The following CAMTA1 variants were observed in gnomAD, a reference collection of about 807,000 sequenced individuals.
CAMTA1 encodes calmodulin-binding transcription activator 1.
CAMTA1 carries 27 observed loss-of-function variants against 170.9 expected under a neutral mutation model. That is an observed-to-expected ratio of 0.16 (90% CI 0.12 to 0.22). CAMTA1 has a LOEUF of 0.22. Ranked by LOEUF, CAMTA1 falls within the 10% of genes least tolerant of loss-of-function variation. The pLI is 1.00. For synonymous variants in CAMTA1, 833 were observed against 891.5 expected, an observed-to-expected ratio of 0.93 and a Z score of 1.17; for missense variants, 1,619 against 2,217.2, an observed-to-expected ratio of 0.73 and a Z score of 5.42.
chr1:7,290,111 G>A (rs1261899981), intron 5 of CAMTA1, among the ~76,000 whole-genome samples: 1 of 152,216 alleles, frequency 6.6e-6, no homozygotes, highest in Admixed American at 6.5e-5. Flanking sequence ...GAACATGTGA[G>A]GTGCATTGGA....
chr1:6,978,679 A>T (rs1317068821), intron 3 of CAMTA1, among the ~76,000 whole-genome samples: 1 of 149,466 alleles, frequency 6.7e-6, no homozygotes, highest in East Asian at 1.9e-4. Flanking sequence ...TATATTTTAT[A>T]TATTATAGAT....
chr1:7,241,326 T>C (rs1664820323), intron 4 of CAMTA1, among the ~76,000 whole-genome samples: 1 of 152,240 alleles, frequency 6.6e-6, no homozygotes, highest in Non-Finnish European at 1.5e-5. Context: ...TGTTCTGCAA[T>C]TGGAAGTGGT....
rs1019466325 is a variant in CAMTA1, at chr1:7,050,364, G to A, written c.235-40940G>A. ...TCCAGAGACGGCATCTGTCTGCTCC[G>A]GGGCCAGGGCGGAGAAGCCTGAAGC... On this transcript the variant is annotated intron_variant, in intron 3 of 22. Coordinates refer to ENST00000303635, the MANE Select transcript of CAMTA1 (RefSeq NM_015215.4). This position sits in a 1 kb window ranked among gnomAD's most constrained non-coding sequence, Gnocchi z 4.8. 5.3e-5 allele frequency among the ~76,000 whole-genome samples: 8 copies of A among 152,278 alleles called. No homozygotes were observed. The highest frequency in any genetic ancestry group is 1.3e-4 in the Admixed American group (2 of 15,302).
chr1:7,421,157 T>C (rs914919337), intron 5 of CAMTA1, among the ~76,000 whole-genome samples: 102 of 147,298 alleles, frequency 6.9e-4, no homozygotes, highest in Non-Finnish European at 1.3e-3. Context: ...CTTTCTTTCT[T>C]TTTTTTTTTT....
chr1:6,950,189 C>T (rs988517222), intron 3 of CAMTA1, among the ~76,000 whole-genome samples: 3 of 152,186 alleles, frequency 2.0e-5, no homozygotes, highest in Non-Finnish European at 4.4e-5. Flanking sequence ...AGGAGGGGGA[C>T]GGCCTTCTCA....
intron 4 of CAMTA1, among the ~76,000 whole-genome samples, chr1:7,215,998 G>A (rs1659681509): frequency 6.6e-6 from 1 of 152,194 alleles, no homozygotes; most frequent in Admixed American, 6.5e-5. Flanking sequence ...AGAACTACCT[G>A]AGACTGGGTC....
At chr1:7,332,219 C>T (rs1395899283) in intron 5 of CAMTA1, among the ~76,000 whole-genome samples, 2 of 152,018 alleles carry the variant, frequency 1.3e-5, no homozygotes, top group Non-Finnish European at 2.9e-5. Flanking sequence ...AGAAGGCCAG[C>T]GAGGACTGGG....
At chr1:7,311,764 T>G (rs1403743101) in intron 5 of CAMTA1, among the ~76,000 whole-genome samples, 1 of 152,196 alleles carries the variant, frequency 6.6e-6, no homozygotes, top group African/African-American at 2.4e-5. Context: ...GCTGCAGGTT[T>G]CAGCCTGAAC....
At chr1:7,045,930 G>A (rs983862686) in intron 3 of CAMTA1, among the ~76,000 whole-genome samples, 3 of 152,208 alleles carry the variant, frequency 2.0e-5, no homozygotes, top group African/African-American at 7.2e-5. Context: ...TGGCAGTGAT[G>A]CACTGAAGAA....
Position 7,655,085 on chromosome 1 carries a change from CACCT to C in CAMTA1, c.665-6639_665-6636del, listed in dbSNP as rs1394630663. 2.6e-4 allele frequency among the ~76,000 whole-genome samples: 18 copies of C among 68,830 alleles called. 2 individuals are homozygous for C. In the South Asian group the frequency reaches 0.011, roughly 40 times the overall value. 45.2% of individuals were successfully genotyped at this position (68,830 alleles called of 152,430 possible). A position where few individuals can be genotyped will look rare whatever the true frequency, so the allele number is the denominator to read the frequency against. On this transcript the variant is annotated intron_variant, in intron 7 of 22. Coordinates refer to ENST00000303635, the MANE Select transcript of CAMTA1 (RefSeq NM_015215.4). The stretch of plus-strand genomic sequence containing the variant: ...ACACACCCACCTATACACACACACC[CACCT>C]ATACACACACACCTATACACACACC...
At chr1:7,283,192 C>T (rs917151910) in intron 5 of CAMTA1, among the ~76,000 whole-genome samples, 2 of 152,174 alleles carry the variant, frequency 1.3e-5, no homozygotes, top group African/African-American at 4.8e-5. Flanking sequence ...CAACCTCCAC[C>T]AAGATGCACT....
At chr1:7,137,052 A>G (rs1645586321) in intron 4 of CAMTA1, among the ~76,000 whole-genome samples, 1 of 152,132 alleles carries the variant, frequency 6.6e-6, no homozygotes, top group Admixed American at 6.5e-5. Flanking sequence ...CAAGCTGTTG[A>G]TTCATCACCT....
At position 7,184,746 on chromosome 1, in the gene CAMTA1, A is replaced by G. The variant is rs1433302205; in HGVS notation, c.303-64745A>G. The stretch of plus-strand genomic sequence containing the variant: ...GCTTTTGACATTAATAATCTTGTCA[A>G]TATTTCAAACTAAAAACATCATGGG... On this transcript the variant is annotated intron_variant, in intron 4 of 22. Transcript: ENST00000303635. Among the ~76,000 whole-genome samples the G allele has an allele frequency of 5.3e-5, 8 of 152,280 alleles. No individual in the cohort carries two copies. In the Middle Eastern group the frequency reaches 0.014, roughly 259 times the overall value.
intron 6 of CAMTA1, among the ~76,000 whole-genome samples, chr1:7,553,212 T>TGAATG (rs1557904676): frequency 3.3e-5 from 5 of 149,620 alleles, no homozygotes; most frequent in African/African-American, 1.2e-4. Context: ...AATGAGTGAA[T>TGAATG]AAGTGAGTGA....
chr1:7,224,517 G>A lies in CAMTA1; in HGVS notation c.303-24974G>A, dbSNP rs1354777859. On this transcript the variant is annotated intron_variant, in intron 4 of 22. Coordinates refer to ENST00000303635, the MANE Select transcript of CAMTA1 (RefSeq NM_015215.4). This position sits in a 1 kb window ranked among gnomAD's most constrained non-coding sequence, Gnocchi z 5.2. ...CTATTTTCCACTTGCTAAAATTAAGGTTATTATTATTATTTTTCAGGAATC... is the reference window on the plus strand; with the variant it reads ...CTATTTTCCACTTGCTAAAATTAAGATTATTATTATTATTTTTCAGGAATC... Among the ~76,000 whole-genome samples the A allele has an allele frequency of 1.3e-5, 2 of 152,076 alleles. No individual in the cohort carries two copies. The highest frequency in any genetic ancestry group is 1.9e-4 in the East Asian group (1 of 5,192).
At chr1:7,337,923 A>G (rs957345241) in intron 5 of CAMTA1, among the ~76,000 whole-genome samples, 6 of 152,188 alleles carry the variant, frequency 3.9e-5, no homozygotes, top group South Asian at 4.2e-4. Flanking sequence ...GTCAGTCCCC[A>G]CAATAGATCG....
intron 3 of CAMTA1, among the ~76,000 whole-genome samples, chr1:6,830,449 T>A (rs1054468987): frequency 6.6e-5 from 10 of 151,474 alleles, no homozygotes; most frequent in African/African-American, 2.4e-4. Context: ...GTTCAAGCGA[T>A]TCTCCTGCCT....
chr1:7,532,749 A>G lies in CAMTA1; in HGVS notation c.510+64848A>G, dbSNP rs2094505997. Among the ~76,000 whole-genome samples, 1 of 152,172 alleles carries G rather than the reference A, an allele frequency of 6.6e-6. No individual in the cohort carries two copies. The highest frequency in any genetic ancestry group is 6.5e-5 in the Admixed American group (1 of 15,288). On this transcript the variant is annotated intron_variant, in intron 6 of 22. Transcript: ENST00000303635. The surrounding 1 kb of genome is among the most constrained non-coding windows in gnomAD (Gnocchi z 4.2). ...GTGCCCAATCGCTGATAGAAGAATG[A>G]ATGAGTGGATGGATCAAGGGAGATT...
At chr1:7,522,326 C>T (rs1444432135) in intron 6 of CAMTA1, among the ~76,000 whole-genome samples, 2 of 152,052 alleles carry the variant, frequency 1.3e-5, no homozygotes, top group Non-Finnish European at 2.9e-5. Context: ...GTCTTTTGCC[C>T]GTTTTCTAAT....
Sources: allele counts gnomAD v4.1 joint callset (sites outside exome capture counted in the v4.1 genomes callset), GRCh38; gene constraint gnomAD v4.1.1; non-coding constraint Gnocchi (gnomAD v3.1); transcripts MANE v1.5; gene names NCBI Gene and HGNC (gene_info 2026-07-23, HGNC 2026-07-21).